EEPD1: variants seen among roughly 807,000 people sequenced by gnomAD.
EEPD1 encodes endonuclease/exonuclease/phosphatase family domain-containing protein 1.
Under a neutral mutation model 46.3 loss-of-function variants are expected in EEPD1, and 17 were observed. The ratio of observed to expected loss-of-function variants is 0.37; its 90% CI spans 0.25 to 0.55. EEPD1 has a LOEUF of 0.55. EEPD1 is among the 20% of genes least tolerant of loss of function. EEPD1 has a pLI of 0.83. For synonymous variants in EEPD1, 313 were observed against 315.6 expected, an observed-to-expected ratio of 0.99 and a Z score of 0.09; for missense variants, 673 against 745.6, an observed-to-expected ratio of 0.90 and a Z score of 1.13.
chr7:36,190,857 TTCCTGGGATGTGTCTCAGGAC>T (rs1290586470), intron 2 of EEPD1, among the ~76,000 whole-genome samples: 1 of 152,248 alleles, frequency 6.6e-6, no homozygotes, highest in Admixed American at 6.5e-5. Context: ...GTCGTTATCC[TTCCTGGGATGTGTCTCAGGAC>T]AGGCTCAGGC....
chr7:36,251,646 C>A (rs949107073), intron 3 of EEPD1, among the ~76,000 whole-genome samples: 20 of 152,118 alleles, frequency 1.3e-4, no homozygotes, highest in African/African-American at 4.6e-4. Flanking sequence ...AATTCTCATC[C>A]TACACAGCCA....
intron 6 of EEPD1, among the ~76,000 whole-genome samples, chr7:36,291,502 C>T (rs196603): frequency 0.065 from 9,828 of 152,264 alleles, 453 homozygotes; most frequent in Non-Finnish European, 0.097. Context: ...GCGGTGCTAT[C>T]GAGGAAGTGG....
At chr7:36,238,105 C>T (rs1295954639) in intron 2 of EEPD1, among the ~76,000 whole-genome samples, 2 of 152,156 alleles carry the variant, frequency 1.3e-5, no homozygotes, top group African/African-American at 2.4e-5. Context: ...AACTTCCTGA[C>T]GCTGCTATGG....
At chr7:36,199,670 A>G (rs969898450) in intron 2 of EEPD1, among the ~76,000 whole-genome samples, 5 of 152,142 alleles carry the variant, frequency 3.3e-5, no homozygotes, top group Non-Finnish European at 2.9e-5. Context: ...TCTGAGTCTC[A>G]GCTGCTTCGA....
Position 36,179,718 on chromosome 7 carries a change from A to G in EEPD1, c.878+24516A>G, listed in dbSNP as rs1315141234. Among the ~76,000 whole-genome samples the G allele has an allele frequency of 2.0e-5, 3 of 151,652 alleles. No individual in the cohort carries two copies. The East Asian group carries it at 5.8e-4, about 29-fold the overall frequency. Reference sequence around the variant, plus strand: ...CTACTAAAAAAAAAAAAAAAAAAAAAAAAAGTTTTCTGGGCGTGGTGGCGC... The same window carrying G: ...CTACTAAAAAAAAAAAAAAAAAAAAGAAAAGTTTTCTGGGCGTGGTGGCGC... On this transcript the variant is annotated intron_variant, in intron 2 of 7. Coordinates refer to ENST00000242108, the MANE Select transcript of EEPD1 (RefSeq NM_030636.3).
chr7:36,154,726 C>A lies in EEPD1; in HGVS notation c.402C>A (p.Thr134=). 1.9e-6 allele frequency: 3 copies of A among 1,614,026 alleles called. No homozygotes were observed. The highest frequency in any genetic ancestry group is 2.5e-6 in the Non-Finnish European group (3 of 1,180,024). Residue 134 remains threonine (T), a synonymous_variant, in exon 2 of 8, where the codon ACC becomes ACA. Coordinates refer to ENST00000242108, the MANE Select transcript of EEPD1 (RefSeq NM_030636.3). The surrounding 1 kb of genome is among the most constrained non-coding windows in gnomAD (Gnocchi z 4.2). ...ACCTGGCCACAGCTGTGCCCCTCAC[C>A]CCACGTGTTAACATCAACACAGCCA... is the stretch of plus-strand genomic sequence containing the variant. ...PHHLATAVPL[T]PRVNINTATP...
Position 36,154,742 on chromosome 7 carries a change from A to C in EEPD1, c.418A>C (p.Asn140His). The part of the protein sequence containing the change: ...AVPLTPRVNI[N>H]TATPAQLMSV... ...GCCCCTCACCCCACGTGTTAACATC[A>C]ACACAGCCACCCCGGCCCAGCTCAT... The change falls in exon 2 of 8, where the codon AAC becomes CAC. Residue 140 changes from asparagine (N) to histidine (H), a missense_variant. Physicochemically the swap from Asn to His is moderately conservative, Grantham distance 68. Coordinates refer to ENST00000242108, the MANE Select transcript of EEPD1 (RefSeq NM_030636.3). This position sits in a 1 kb window ranked among gnomAD's most constrained non-coding sequence, Gnocchi z 4.2. 1 of 1,614,018 alleles carries C rather than the reference A, an allele frequency of 6.2e-7. No homozygotes were observed. Among genetic ancestry groups the C allele is most frequent in the Non-Finnish European group, 8.5e-7 (1 of 1,180,012 alleles).
rs187930143 is a variant in EEPD1 at position 36,280,530 on chromosome 7, C to T, written c.931-585C>T. Among the ~76,000 whole-genome samples the T allele has an allele frequency of 1.3e-4, 20 of 152,322 alleles. No homozygotes were observed. The East Asian group carries it at 3.9e-3, about 29-fold the overall frequency. ...GTGCAATTTTATTTTGCCTCAGTGA[C>T]AGTCACTTTACAGCCATATTGGTGC... On this transcript the variant is annotated intron_variant, in intron 3 of 7. Coordinates refer to ENST00000242108, the MANE Select transcript of EEPD1 (RefSeq NM_030636.3).
intron 2 of EEPD1, among the ~76,000 whole-genome samples, chr7:36,221,001 G>T (rs1786135563): frequency 6.6e-6 from 1 of 152,110 alleles, no homozygotes; most frequent in Non-Finnish European, 1.5e-5. Context: ...TAGAGACAGG[G>T]TTTCACCATG....
chr7:36,154,265 C>T lies in EEPD1; in HGVS notation c.-60C>T, dbSNP rs975681940. On this transcript the variant is annotated 5_prime_UTR_variant, in exon 2 of 8. Coordinates refer to ENST00000242108, the MANE Select transcript of EEPD1 (RefSeq NM_030636.3). This position sits in a 1 kb window ranked among gnomAD's most constrained non-coding sequence, Gnocchi z 4.2. ...TTGTACGGCCTACTGGGCTTCCTCC[C>T]TAGCCAGAGAGCTCTTCTGCAGTGG... 3.9e-6 allele frequency: 6 copies of T among 1,535,582 alleles called. No homozygotes were observed. The highest frequency in any genetic ancestry group is 4.4e-6 in the Non-Finnish European group (5 of 1,147,314).
intron 3 of EEPD1, among the ~76,000 whole-genome samples, chr7:36,251,541 C>T (rs1194196557): frequency 2.6e-5 from 4 of 152,220 alleles, no homozygotes; most frequent in African/African-American, 9.6e-5. Flanking sequence ...AACTCCCAAC[C>T]TCAGGTGATC....
At chr7:36,160,447 A>T (rs934868963) in intron 2 of EEPD1, among the ~76,000 whole-genome samples, 22 of 152,192 alleles carry the variant, frequency 1.4e-4, no homozygotes, top group African/African-American at 5.1e-4. Context: ...AGCCAGGGAA[A>T]AGAATGCTCC....
intron 2 of EEPD1, among the ~76,000 whole-genome samples, chr7:36,195,755 C>T (rs537770847): frequency 4.4e-4 from 67 of 152,110 alleles, no homozygotes; most frequent in African/African-American, 1.6e-3. Flanking sequence ...TATAAGTGTT[C>T]TTATCACAAA....
chr7:36,222,797 G>A (rs1413845676), intron 2 of EEPD1, among the ~76,000 whole-genome samples: 1 of 152,132 alleles, frequency 6.6e-6, no homozygotes, highest in Admixed American at 6.5e-5. Flanking sequence ...CTTTTATAAA[G>A]TCACTAAACC....
chr7:36,230,568 A>ACCTGGAATGCT (rs1320905363), intron 2 of EEPD1, among the ~76,000 whole-genome samples: 1 of 151,630 alleles, frequency 6.6e-6, no homozygotes, highest in Non-Finnish European at 1.5e-5. Flanking sequence ...CTGCCACCCT[A>ACCTGGAATGCT]CCTGGAATGC....
intron 2 of EEPD1, among the ~76,000 whole-genome samples, chr7:36,195,333 CTGGCTCCCTGATGGAATGATG>C (rs1785559614): frequency 6.6e-6 from 1 of 152,220 alleles, no homozygotes. Flanking sequence ...GGATGGATGG[CTGGCTCCCTGATGGAATGATG>C]TGGTGGCAAT....
rs3815682 is a variant in EEPD1 at position 36,284,716 on chromosome 7, G to A, written c.1072G>A (p.Ala358Thr). 19 of 1,611,866 alleles carry A rather than the reference G, an allele frequency of 1.2e-5. No individual in the cohort carries two copies. Among genetic ancestry groups the A allele is most frequent in the Middle Eastern group, 1.7e-4 (1 of 6,050 alleles). ...TGGGTATGCAGGATTCCTATGGGAC[G>A]CGGCTGCCGGCATGGAGCTGAGAGA... ...GAGYAGFLWDAAAGMELRDAG... is the reference protein window; with the variant it reads ...GAGYAGFLWDTAAGMELRDAG... The change falls in exon 5 of 8, where the codon GCG becomes ACG. Residue 358 changes from alanine to threonine, a missense_variant. Ala to Thr is a moderately conservative substitution (Grantham distance 58, BLOSUM62 0). Coordinates refer to ENST00000242108, the MANE Select transcript of EEPD1 (RefSeq NM_030636.3).
intron 3 of EEPD1, among the ~76,000 whole-genome samples, chr7:36,259,371 T>A (rs1786880789): frequency 6.6e-6 from 1 of 152,242 alleles, no homozygotes; most frequent in African/African-American, 2.4e-5. Context: ...TTCAGACTTG[T>A]GCTCACTTAA....
intron 2 of EEPD1, among the ~76,000 whole-genome samples, chr7:36,155,543 T>C (rs1419482995): frequency 6.6e-6 from 1 of 152,164 alleles, no homozygotes; most frequent in African/African-American, 2.4e-5. Context: ...CTGGTGCAGT[T>C]TCGCATGTGA....
Sources: allele counts gnomAD v4.1 joint callset (sites outside exome capture counted in the v4.1 genomes callset), GRCh38; gene constraint gnomAD v4.1.1; non-coding constraint Gnocchi (gnomAD v3.1); transcripts MANE v1.5; gene names NCBI Gene and HGNC (gene_info 2026-07-23, HGNC 2026-07-21).